Variants in GREB1 observed in about 807,000 individuals in gnomAD.
The protein encoded by GREB1 is growth regulating estrogen receptor binding 1, also known as protein GREB1.
GREB1 carries 106 observed loss-of-function variants against 200.7 expected under a neutral mutation model. That is an observed-to-expected ratio of 0.53 (90% confidence interval 0.45 to 0.62). The LOEUF is 0.62. Among genes scored for constraint, GREB1 ranks in the 20% least tolerant of loss-of-function variants. GREB1 has a pLI of 0.00. For synonymous variants in GREB1, 1,132 were observed against 1,092.4 expected (o/e 1.04, Z -0.72); for missense variants, 2,243 against 2,556.8 (o/e 0.88, Z 2.65).
At chr2:11,538,042 C>G (rs1317971773) in intron 1 of GREB1, among the ~76,000 whole-genome samples, 1 of 152,194 alleles carries the variant, frequency 6.6e-6, no homozygotes, top group African/African-American at 2.4e-5. Flanking sequence ...CCCTGAGTGG[C>G]AGAAGGCACG....
chr2:11,583,816 G>A (rs549656855), intron 7 of GREB1, among the ~76,000 whole-genome samples: 10 of 151,812 alleles, frequency 6.6e-5, no homozygotes, highest in Non-Finnish European at 8.8e-5. Context: ...CTGAGGCCGC[G>A]CCACTGCACT....
Position 11,514,987 on chromosome 2 carries a change from C to CATCT in GREB1, c.-159+32606_-159+32607insATCT, listed in dbSNP as rs1359544684. On this transcript the variant is annotated intron_variant, in intron 1 of 2. Coordinates refer to the GREB1 transcript ENST00000628795. ...CCATCCATCCATCCATCCATCCATC[C>CATCT]GCGCATGTGTCCATCCTCTCATCTC... 1.8e-4 allele frequency among the ~76,000 whole-genome samples: 28 copies of CATCT among 151,552 alleles called. 3 individuals are homozygous for CATCT. The highest frequency in any genetic ancestry group is 3.9e-4 in the East Asian group (2 of 5,138).
At chr2:11,611,889 C>T (rs925568520) in intron 18 of GREB1, among the ~76,000 whole-genome samples, 4 of 152,156 alleles carry the variant, frequency 2.6e-5, no homozygotes, top group African/African-American at 9.7e-5. Flanking sequence ...GGAGAGAGCA[C>T]AGGCAAGACA....
rs1681864860 is a variant in GREB1, at chr2:11,602,426, A to T, written c.2550A>T (p.Glu850Asp). The T allele has an allele frequency of 1.9e-6, 3 of 1,613,534 alleles. No individual in the cohort carries two copies. Among genetic ancestry groups the T allele is most frequent in the Non-Finnish European group, 8.5e-7 (1 of 1,179,524 alleles). The change falls in exon 17 of 33, where the codon GAA (glutamate) becomes GAT (aspartate). Residue 850 changes from glutamate (E) to aspartate (D), a missense_variant. Physicochemically the swap from Glu to Asp is conservative, Grantham distance 45. Around this residue, in one of 3 missense-constraint regions of GREB1, gnomAD observed 1,178 missense variants for 1,387.4 expected, o/e 0.85. Coordinates refer to ENST00000381486, the MANE Select transcript of GREB1 (RefSeq NM_014668.4). The part of the protein sequence containing the change: ...SCSNGVDLYH[E>D]NKKYFGLSEF... ...TTTAGGGAGTGGACTTATATCATGA[A>T]AATAAGAAGTACTTCGGGCTGTCGG...
At chr2:11,586,446 A>G (rs1383622395) in intron 9 of GREB1, among the ~76,000 whole-genome samples, 1 of 152,234 alleles carries the variant, frequency 6.6e-6, no homozygotes, top group African/African-American at 2.4e-5. Flanking sequence ...AACGTACGCT[A>G]CGTGGGGGTA....
chr2:11,624,614 G>A (rs547895130), intron 23 of GREB1, among the ~76,000 whole-genome samples: 1 of 152,016 alleles, frequency 6.6e-6, no homozygotes, highest in Middle Eastern at 3.2e-3. Flanking sequence ...CAAAGTGCTG[G>A]GATTACAGGC....
At chr2:11,540,216 G>A (rs551926410) in intron 1 of GREB1, 1 of 152,206 alleles carries the variant, frequency 6.6e-6, no homozygotes, top group Non-Finnish European at 1.5e-5. Context: ...TAATGGCAAA[G>A]CATTGGCCCT....
Position 11,593,064 on chromosome 2 carries a change from AC to A in GREB1, c.1635del (p.Tyr546ThrfsTer51), listed in dbSNP as rs748447984. 6.2e-7 allele frequency: 1 copy of A among 1,612,440 alleles called. No individual in the cohort carries two copies. The highest frequency in any genetic ancestry group is 1.3e-5 in the African/African-American group (1 of 74,866). ...LLVEGKLAKT[N>X]YVVIICACRS... is the part of the protein sequence containing the mutation. ...GTCGAGGGCAAGCTTGCCAAGACCA[AC>A]TACGTGGTCATCATCTGCGCCTGCC... is the stretch of plus-strand genomic sequence containing the variant. On this transcript the variant is annotated frameshift_variant, in exon 11 of 33. Transcript: ENST00000381486. LOFTEE classifies it high-confidence loss of function.
chr2:11,568,226 C>A (rs1461101524), intron 4 of GREB1, among the ~76,000 whole-genome samples: 1 of 152,216 alleles, frequency 6.6e-6, no homozygotes, highest in Non-Finnish European at 1.5e-5. Flanking sequence ...AGGATAAACT[C>A]ACTCCACGGG....
chr2:11,594,056 T>C (rs1207830181), intron 11 of GREB1, among the ~76,000 whole-genome samples: 1 of 152,226 alleles, frequency 6.6e-6, no homozygotes, highest in African/African-American at 2.4e-5. Flanking sequence ...TCGGCTGAAG[T>C]GCAGTGGCGA....
chr2:11,599,510 C>T (rs1274260196), intron 15 of GREB1, among the ~76,000 whole-genome samples: 1 of 133,440 alleles, frequency 7.5e-6, no homozygotes, highest in Non-Finnish European at 1.6e-5. Context: ...CAGCTAATTT[C>T]GTTTTTGTAT....
At chr2:11,609,411 G>A (rs1682718131) in intron 17 of GREB1, among the ~76,000 whole-genome samples, 2 of 152,088 alleles carry the variant, frequency 1.3e-5, no homozygotes, top group Admixed American at 1.3e-4. Context: ...TGGGATTACA[G>A]GCGTGTGCCA....
upstream of GREB1, among the ~76,000 whole-genome samples, chr2:11,532,060 A>G (rs1674093336): frequency 6.6e-6 from 1 of 152,206 alleles, no homozygotes; most frequent in Admixed American, 6.5e-5. Flanking sequence ...AATATGCCAT[A>G]TTAAATATGT....
chr2:11,515,158 T>TATCC (rs542493949), intron 1 of GREB1, among the ~76,000 whole-genome samples: 6,043 of 142,126 alleles, frequency 0.043, 422 homozygotes, highest in African/African-American at 0.15. Context: ...TCCGTCCATC[T>TATCC]ATCCATCCAT....
intron 2 of GREB1, among the ~76,000 whole-genome samples, chr2:11,562,088 A>G (rs1048908181): frequency 1.3e-5 from 2 of 152,178 alleles, no homozygotes; most frequent in Non-Finnish European, 2.9e-5. Context: ...AACCAATTCG[A>G]TACATATTAA....
At chr2:11,515,568 A>G (rs1193018245) in intron 1 of GREB1, among the ~76,000 whole-genome samples, 2 of 151,346 alleles carry the variant, frequency 1.3e-5, no homozygotes, top group East Asian at 3.9e-4. Flanking sequence ...GCCCTGTGAG[A>G]TGTGAGGCTC....
intron 1 of GREB1, among the ~76,000 whole-genome samples, chr2:11,489,270 AC>A (rs1558479563): frequency 1.3e-5 from 2 of 152,112 alleles, no homozygotes; most frequent in African/African-American, 4.8e-5. Flanking sequence ...ACCTGGTGAA[AC>A]CCCGTCTCTA....
intron 1 of GREB1, among the ~76,000 whole-genome samples, chr2:11,538,696 C>T (rs142034631): frequency 0.54 from 54,077 of 100,526 alleles, 18,789 homozygotes; most frequent in South Asian, 0.83. Flanking sequence ...TTTCCTTCCT[C>T]CCTCCCTCCC....
intron 4 of GREB1, among the ~76,000 whole-genome samples, chr2:11,572,130 G>A (rs1349991373): frequency 6.6e-6 from 1 of 152,226 alleles, no homozygotes; most frequent in East Asian, 1.9e-4. Context: ...TTTCATGGAG[G>A]GTTGATGACT....
Sources: gnomAD v4.1 joint callset for allele counts (sites outside exome capture counted in the v4.1 genomes callset) on GRCh38, gnomAD v4.1.1 for gene constraint, gnomAD v4.1.1 regional missense constraint, MANE v1.5 for transcripts, NCBI Gene and HGNC (gene_info 2026-07-23, HGNC 2026-07-21) for gene names.